The following TEX2 variants were observed in gnomAD, a reference collection of about 807,000 sequenced individuals.
TEX2 encodes testis expressed 2, also known as testis-expressed protein 2.
TEX2 carries 53 observed loss-of-function variants against 106.9 expected under a neutral mutation model. The observed-to-expected ratio is 0.50, with a 90% CI of 0.40 to 0.62. TEX2 has a LOEUF of 0.62. Among genes scored for constraint, TEX2 ranks in the 20% least tolerant of loss-of-function variants. The pLI is 0.00. For synonymous variants in TEX2, 523 were observed against 534.8 expected, an observed-to-expected ratio of 0.98 and a Z score of 0.30; for missense variants, 1,207 against 1,379.0, an observed-to-expected ratio of 0.88 and a Z score of 1.98.
At chr17:64,258,531 G>A (rs1268151293) in intron 1 of TEX2, among the ~76,000 whole-genome samples, 1 of 152,156 alleles carries the variant, frequency 6.6e-6, no homozygotes, top group East Asian at 1.9e-4. Context: ...AACAGTGCCT[G>A]GCACACGATT....
chr17:64,170,622 C>CATTTTTTT (rs1555625780), intron 7 of TEX2, among the ~76,000 whole-genome samples: 1 of 73,742 alleles, frequency 1.4e-5, no homozygotes, highest in African/African-American at 5.6e-5. Context: ...TATTCCAAAT[C>CATTTTTTT]TTTTTTTTTT....
intron 6 of TEX2, among the ~76,000 whole-genome samples, chr17:64,175,934 TG>T (rs1276442893): frequency 1.3e-5 from 2 of 152,204 alleles, no homozygotes; most frequent in African/African-American, 4.8e-5. Context: ...TGCCTTGACC[TG>T]GGAACTCAAG....
At chr17:64,208,069 G>A (rs1268583740) in intron 2 of TEX2, among the ~76,000 whole-genome samples, 1 of 151,954 alleles carries the variant, frequency 6.6e-6, no homozygotes, top group Non-Finnish European at 1.5e-5. Context: ...TTGCATTCAG[G>A]AGGGCAGCAC....
chr17:64,152,909 G>A (rs2030425955), intron 10 of TEX2, 36 bp downstream of exon 10: 3 of 1,594,528 alleles, frequency 1.9e-6, no homozygotes. Context: ...TGCAATAGGA[G>A]GAATCACTTA....
intron 5 of TEX2, among the ~76,000 whole-genome samples, chr17:64,184,045 C>T (rs1315596431): frequency 6.6e-6 from 1 of 152,148 alleles, no homozygotes; most frequent in African/African-American, 2.4e-5. Flanking sequence ...TTTTCATGTG[C>T]TTGCTTATTT....
chr17:64,262,664 A>C (rs2034313127), intron 1 of TEX2, among the ~76,000 whole-genome samples: 1 of 152,126 alleles, frequency 6.6e-6, no homozygotes, highest in South Asian at 2.1e-4. Flanking sequence ...AAAGCACACA[A>C]ACCACCCCAC....
intron 4 of TEX2, 137 bp from the exon 5 acceptor site, chr17:64,188,552 C>A: frequency 1.4e-6 from 2 of 1,385,460 alleles, no homozygotes; most frequent in Non-Finnish European, 1.9e-6. Flanking sequence ...CATGGTGGCT[C>A]ACGCCTGTAA....
chr17:64,210,124 A>G (rs377341827), intron 2 of TEX2, among the ~76,000 whole-genome samples: 1 of 152,212 alleles, frequency 6.6e-6, no homozygotes, highest in Non-Finnish European at 1.5e-5. Flanking sequence ...TTTCCTTGCT[A>G]AAGTTAGCAC....
rs547730080 is a variant in TEX2, at chr17:64,254,271, C to G, written c.-26+8897G>C. Among the ~76,000 whole-genome samples, 3 of 152,340 alleles carry G rather than the reference C, an allele frequency of 2.0e-5. No individual in the cohort carries two copies. In the East Asian group the frequency reaches 5.8e-4, roughly 29 times the overall value. On this transcript the variant is annotated intron_variant, in intron 1 of 11. Coordinates refer to ENST00000584379, the MANE Select transcript of TEX2 (RefSeq NM_001288732.2). ...AGATCATGAGTCCCACCAGGCAGTTCTTCCTTCTACTACATAATCAAACTC... is the reference window on the plus strand; with the variant it reads ...AGATCATGAGTCCCACCAGGCAGTTGTTCCTTCTACTACATAATCAAACTC...
At chr17:64,154,583 C>T (rs1300582103) in intron 9 of TEX2, among the ~76,000 whole-genome samples, 1 of 152,218 alleles carries the variant, frequency 6.6e-6, no homozygotes, top group African/African-American at 2.4e-5. Flanking sequence ...TTTTCATCAT[C>T]AGCACACCCT....
At position 64,188,221 on chromosome 17, in the gene TEX2, G is replaced by A. The variant is rs1479188044; in HGVS notation, c.2371C>T (p.Pro791Ser). 1 of 1,612,804 alleles carries A rather than the reference G, an allele frequency of 6.2e-7. No homozygotes were observed. Among genetic ancestry groups the A allele is most frequent in the Non-Finnish European group, 8.5e-7 (1 of 1,180,042 alleles). ...GRCVPQESRS[P>S]QRSPLQSAES... The stretch of plus-strand genomic sequence containing the variant: ...GCACTCTGCAGGGGGCTCCTCTGGG[G>A]GCTTCGGCTTTCCTGGGGGACACAC... The change falls in exon 5 of 12, where the codon CCC (proline) becomes TCC (serine). Residue 791 changes from proline to serine, a missense_variant. Pro to Ser is a moderately conservative substitution (Grantham distance 74). Transcript: ENST00000584379.
Position 64,151,670 on chromosome 17 carries a change from T to C in TEX2, c.3141-709A>G, listed in dbSNP as rs114908269. ...AATATTTCTAAACACTCTATACTTATCTTTATGGATCAATAACACATAGTT... is the reference window on the plus strand; with the variant it reads ...AATATTTCTAAACACTCTATACTTACCTTTATGGATCAATAACACATAGTT... On this transcript the variant is annotated intron_variant, in intron 10 of 11. Transcript: ENST00000584379. 4.3e-3 allele frequency among the ~76,000 whole-genome samples: 648 copies of C among 152,348 alleles called. 9 individuals carry two copies. Among genetic ancestry groups the C allele is most frequent in the African/African-American group, 0.015 (606 of 41,572 alleles).
chr17:64,199,490 G>A (rs528092060), intron 2 of TEX2, among the ~76,000 whole-genome samples: 3 of 152,252 alleles, frequency 2.0e-5, no homozygotes, highest in Non-Finnish European at 4.4e-5. Flanking sequence ...ACCCACCTTG[G>A]CCTCCCAAAG....
chr17:64,165,288 T>C (rs1362056280), intron 7 of TEX2, among the ~76,000 whole-genome samples: 1 of 152,192 alleles, frequency 6.6e-6, no homozygotes, highest in East Asian at 1.9e-4. Context: ...TGTGGATGTG[T>C]CTTTGATGAT....
chr17:64,238,962 A>G (rs1287500046), intron 1 of TEX2, among the ~76,000 whole-genome samples: 3 of 152,242 alleles, frequency 2.0e-5, no homozygotes, highest in Admixed American at 2.0e-4. Context: ...AAAAGGAATT[A>G]GCTTTTATTG....
chr17:64,215,264 A>C (rs2033149886), intron 1 of TEX2, among the ~76,000 whole-genome samples: 2 of 152,192 alleles, frequency 1.3e-5, no homozygotes, highest in African/African-American at 4.8e-5. Flanking sequence ...CTGGACAGAG[A>C]CCATGTAAAA....
chr17:64,177,211 C>T, intron 6 of TEX2, 114 bp downstream of exon 6: 1 of 1,245,796 alleles, frequency 8.0e-7, no homozygotes, highest in African/African-American at 1.5e-5. Flanking sequence ...ACTTACTACC[C>T]TCATATGTTA....
Position 64,188,021 on chromosome 17 carries a change from T to C in TEX2, c.2424+147A>G, listed in dbSNP as rs1442449289. The C allele has an allele frequency of 8.0e-6, 7 of 880,034 alleles. No individual in the cohort carries two copies. In the East Asian group the frequency reaches 1.8e-4, roughly 23 times the overall value. The allele number at this position is 880,034 out of a possible 1,614,324, so 54.5% of individuals were successfully genotyped here. A position where few individuals can be genotyped will look rare whatever the true frequency, so the allele number is the denominator to read the frequency against. On this transcript the variant is annotated intron_variant, in intron 5 of 11. Transcript: ENST00000584379. ...GTTTCTTGCTGTCTTCCTGAGTAGATTACAAGTTCCCCAAAGGCAGGGTCC... is the reference window on the plus strand; with the variant it reads ...GTTTCTTGCTGTCTTCCTGAGTAGACTACAAGTTCCCCAAAGGCAGGGTCC...
intron 5 of TEX2, among the ~76,000 whole-genome samples, chr17:64,184,160 G>A (rs1417585935): frequency 1.3e-5 from 2 of 152,148 alleles, no homozygotes; most frequent in Admixed American, 6.6e-5. Flanking sequence ...GTGCAGTGGT[G>A]CAATCACTAA....
Sources: allele counts gnomAD v4.1 joint callset (sites outside exome capture counted in the v4.1 genomes callset), GRCh38; gene constraint gnomAD v4.1.1; transcripts MANE v1.5; gene names NCBI Gene and HGNC (gene_info 2026-07-23, HGNC 2026-07-21).